Variants in GSTCD observed in about 807,000 individuals in gnomAD.
GSTCD encodes glutathione S-transferase C-terminal domain-containing protein.
GSTCD carries 44 observed loss-of-function variants against 68.3 expected under a neutral mutation model. The ratio of observed to expected loss-of-function variants is 0.64; its 90% CI spans 0.51 to 0.83. GSTCD has a LOEUF of 0.83. Ranked by LOEUF, GSTCD falls within the 40% of genes least tolerant of loss-of-function variation. The probability of loss-of-function intolerance (pLI) is 0.00; values close to 1 mark genes in which losing one functional copy is unlikely to be tolerated. For synonymous variants in GSTCD, 273 were observed against 255.2 expected (o/e 1.07, Z -0.67); for missense variants, 739 against 735.9 (o/e 1.00, Z -0.05).
chr4:105,845,694 C>A lies in GSTCD; in HGVS notation c.*117C>A. 1.9e-6 allele frequency: 2 copies of A among 1,058,362 alleles called. No homozygotes were observed. The highest frequency in any genetic ancestry group is 2.8e-6 in the Non-Finnish European group (2 of 720,932). 65.6% of individuals were successfully genotyped at this position (1,058,362 alleles called of 1,614,324 possible). ...CATTAGCCATCTTGAACCTATTGTG[C>A]TCAGGAAGGAAAGCAACAGGGAAAT... On this transcript the variant is annotated 3_prime_UTR_variant, in exon 12 of 12. Coordinates refer to ENST00000515279, the MANE Select transcript of GSTCD (RefSeq NM_001370181.1).
At chr4:105,795,850 A>G (rs1219990642) in intron 5 of GSTCD, among the ~76,000 whole-genome samples, 2 of 152,030 alleles carry the variant, frequency 1.3e-5, no homozygotes, top group Admixed American at 6.5e-5. Context: ...GGCTTTTCAG[A>G]GTCTTTTTTT....
At chr4:105,770,563 C>T (rs1248973919) in intron 5 of GSTCD, among the ~76,000 whole-genome samples, 1 of 152,112 alleles carries the variant, frequency 6.6e-6, no homozygotes, top group Non-Finnish European at 1.5e-5. Context: ...TGATATTCCC[C>T]TCCCTGTGTC....
intron 5 of GSTCD, among the ~76,000 whole-genome samples, chr4:105,809,621 A>G (rs942805444): frequency 6.6e-6 from 1 of 152,078 alleles, no homozygotes; most frequent in Admixed American, 6.6e-5. Context: ...TGTGTACTCC[A>G]TGGCAGCAAG....
rs574838418 is a variant in GSTCD, at chr4:105,717,753, A to G, written c.140A>G (p.Lys47Arg). 14 of 1,613,934 alleles carry G rather than the reference A, an allele frequency of 8.7e-6. No individual in the cohort carries two copies. The South Asian group carries it at 1.5e-4, about 18-fold the overall frequency. The change falls in exon 2 of 12, where the codon AAA becomes AGA. Residue 47 changes from lysine to arginine, a missense_variant. By Grantham distance (26) the Lys-to-Arg change is conservative. Transcript: ENST00000515279. ...LLSYCDCKIF[K>R]ICLVVTKEVS... ...TCTTACTGTGACTGTAAAATCTTTA[A>G]AATTTGCTTAGTTGTCACCAAAGAG...
intron 5 of GSTCD, among the ~76,000 whole-genome samples, chr4:105,821,991 T>G (rs1332573891): frequency 6.6e-6 from 1 of 151,938 alleles, no homozygotes; most frequent in Admixed American, 6.6e-5. Context: ...ATGCCATTTT[T>G]CTGGGAAAAA....
Position 105,719,080 on chromosome 4 carries a change from A to G in GSTCD, c.447A>G (p.Leu149=), listed in dbSNP as rs928326625. 3.7e-6 allele frequency: 6 copies of G among 1,613,490 alleles called. No individual in the cohort carries two copies. Among genetic ancestry groups the G allele is most frequent in the African/African-American group, 1.3e-5 (1 of 74,890 alleles). The change falls in exon 3 of 12, where the codon CTA becomes CTG. Residue 149 remains leucine (L), a synonymous_variant. Transcript: ENST00000515279. ...ACAEVSQWTR[L]CELTIPLAIE... is the part of the protein sequence containing the mutation. ...TGTAGGTTAGTCAGTGGACCAGGCT[A>G]TGTGAACTCACCATCCCTTTGGCTA... is the stretch of plus-strand genomic sequence containing the variant.
At chr4:105,794,872 T>TA (rs1735819742) in intron 5 of GSTCD, among the ~76,000 whole-genome samples, 1 of 139,108 alleles carries the variant, frequency 7.2e-6, no homozygotes, top group Non-Finnish European at 1.5e-5. Context: ...TCTATCTATC[T>TA]ATCTATCTAT....
chr4:105,735,070 T>C (rs1733410310), intron 5 of GSTCD, among the ~76,000 whole-genome samples: 1 of 152,172 alleles, frequency 6.6e-6, no homozygotes. Flanking sequence ...CCCGGCCGTG[T>C]TAGGTGTCAT....
At chr4:105,825,131 GGTTT>G (rs1263341361) in intron 7 of GSTCD, among the ~76,000 whole-genome samples, 30 of 129,176 alleles carry the variant, frequency 2.3e-4, no homozygotes, top group Middle Eastern at 4.2e-3. Flanking sequence ...TTGGTTGGTT[GGTTT>G]GTTTGTTTGT....
chr4:105,842,964 G>C (rs893474756), intron 11 of GSTCD, among the ~76,000 whole-genome samples: 1 of 152,148 alleles, frequency 6.6e-6, no homozygotes, highest in Non-Finnish European at 1.5e-5. Flanking sequence ...AGATAAGTGG[G>C]TTCAGTCAAA....
intron 5 of GSTCD, chr4:105,746,105 A>C (rs1458118579): frequency 2.0e-5 from 3 of 152,150 alleles, no homozygotes; most frequent in Non-Finnish European, 4.4e-5. Context: ...ATCTGCATAT[A>C]ACTTTTGACT....
intron 5 of GSTCD, among the ~76,000 whole-genome samples, chr4:105,757,170 G>T (rs1357563817): frequency 6.6e-6 from 1 of 152,088 alleles, no homozygotes; most frequent in Admixed American, 6.6e-5. Flanking sequence ...ATAGAAAATT[G>T]CTGTTTAAGG....
chr4:105,841,496 G>T (rs189076154), intron 10 of GSTCD, among the ~76,000 whole-genome samples: 1 of 151,974 alleles, frequency 6.6e-6, no homozygotes, highest in African/African-American at 2.4e-5. Flanking sequence ...AAAGCAACTG[G>T]GCAAAATGAC....
intron 5 of GSTCD, among the ~76,000 whole-genome samples, chr4:105,816,887 G>T (rs1387984659): frequency 6.6e-6 from 1 of 151,946 alleles, no homozygotes; most frequent in Non-Finnish European, 1.5e-5. Flanking sequence ...TTAGTGATCA[G>T]TGTCCTCATT....
intron 3 of GSTCD, 95 bp downstream of exon 3, chr4:105,719,622 G>T (rs1732799840): frequency 2.3e-6 from 2 of 851,264 alleles, no homozygotes; most frequent in South Asian, 1.7e-5. Context: ...TTGTCAATAT[G>T]CTGCTAGGAA....
intron 3 of GSTCD, among the ~76,000 whole-genome samples, chr4:105,722,186 A>T (rs533428356): frequency 6.6e-6 from 1 of 152,126 alleles, no homozygotes; most frequent in Non-Finnish European, 1.5e-5. Flanking sequence ...ATACACACAC[A>T]CACACAGACA....
chr4:105,803,356 T>TA (rs1736180159), intron 5 of GSTCD, among the ~76,000 whole-genome samples: 1 of 151,984 alleles, frequency 6.6e-6, no homozygotes, highest in African/African-American at 2.4e-5. Context: ...GCCAATAGCT[T>TA]AAGAGTCAGA....
chr4:105,712,772 CTT>C (rs1264012186), intron 1 of GSTCD, among the ~76,000 whole-genome samples: 2 of 152,074 alleles, frequency 1.3e-5, no homozygotes, highest in South Asian at 2.1e-4. Context: ...TTGAGTGGGA[CTT>C]TTGAGTTTTT....
intron 5 of GSTCD, among the ~76,000 whole-genome samples, chr4:105,769,786 C>T (rs1345023559): frequency 6.6e-6 from 1 of 152,058 alleles, no homozygotes; most frequent in Non-Finnish European, 1.5e-5. Context: ...GACAAGGCCT[C>T]ACTCTGTCAC....
Sources: gnomAD v4.1 joint callset for allele counts (sites outside exome capture counted in the v4.1 genomes callset) on GRCh38, gnomAD v4.1.1 for gene constraint, MANE v1.5 for transcripts, NCBI Gene and HGNC (gene_info 2026-07-23, HGNC 2026-07-21) for gene names.